GRID2: variants seen among roughly 807,000 people sequenced by gnomAD.
GRID2 encodes the protein glutamate receptor ionotropic, delta-2.
GRID2 carries 33 observed loss-of-function variants against 114.8 expected under a neutral mutation model. The observed-to-expected ratio is 0.29, with a 90% CI of 0.22 to 0.38. GRID2 has a LOEUF of 0.38. Among genes scored for constraint, GRID2 ranks in the 10% least tolerant of loss-of-function variants. GRID2 has a pLI of 1.00. For synonymous variants in GRID2, 505 were observed against 449.9 expected, an observed-to-expected ratio of 1.12 and a Z score of -1.55; for missense variants, 1,184 against 1,257.7, an observed-to-expected ratio of 0.94 and a Z score of 0.89.
intron 1 of GRID2, among the ~76,000 whole-genome samples, chr4:92,549,519 CCAAGTGATG>C (rs1200293457): frequency 6.6e-6 from 1 of 152,082 alleles, no homozygotes; most frequent in African/African-American, 2.4e-5. Flanking sequence ...TCTGTGATTC[CCAAGTGATG>C]CAGAGTCAAA....
intron 1 of GRID2, among the ~76,000 whole-genome samples, chr4:92,379,034 T>A (rs189244392): frequency 6.7e-4 from 102 of 152,090 alleles, no homozygotes; most frequent in Non-Finnish European, 1.3e-3. Flanking sequence ...CCAGGACCCA[T>A]TTATATGACT....
At chr4:93,258,778 A>C in intron 8 of GRID2, 1 of 372,908 alleles carries the variant, frequency 2.7e-6, no homozygotes, top group Admixed American at 3.3e-5. Flanking sequence ...ATAATTAACC[A>C]CTACAACTAA....
intron 2 of GRID2, among the ~76,000 whole-genome samples, chr4:92,737,704 AAC>A (rs1252649395): frequency 6.6e-6 from 1 of 152,172 alleles, no homozygotes; most frequent in African/African-American, 2.4e-5. Context: ...TTATAGAATA[AAC>A]AGATACCTCT....
At chr4:92,339,478 G>A (rs1012931364) in intron 1 of GRID2, among the ~76,000 whole-genome samples, 3 of 151,946 alleles carry the variant, frequency 2.0e-5, no homozygotes, top group Non-Finnish European at 2.9e-5. Context: ...ACCATTTATC[G>A]ACTATATATA....
intron 14 of GRID2, among the ~76,000 whole-genome samples, chr4:93,702,455 G>A (rs1281179832): frequency 4.6e-5 from 7 of 152,124 alleles, no homozygotes; most frequent in East Asian, 1.9e-4. Flanking sequence ...GTATTCCATC[G>A]TAGGAATGCA....
At chr4:92,910,275 A>G (rs1175240776) in intron 2 of GRID2, among the ~76,000 whole-genome samples, 1 of 152,084 alleles carries the variant, frequency 6.6e-6, no homozygotes, top group Non-Finnish European at 1.5e-5. Context: ...TTTTACAATT[A>G]CAGACTGCTG....
At chr4:92,827,470 A>G (rs1341207128) in intron 2 of GRID2, among the ~76,000 whole-genome samples, 2 of 151,670 alleles carry the variant, frequency 1.3e-5, no homozygotes, top group Admixed American at 1.3e-4. Flanking sequence ...ATTTGTTAAA[A>G]CATTTATGTG....
intron 2 of GRID2, among the ~76,000 whole-genome samples, chr4:92,879,129 CAA>C (rs1248452374): frequency 1.3e-5 from 2 of 151,860 alleles, no homozygotes; most frequent in Admixed American, 6.6e-5. Flanking sequence ...TGTATATAGA[CAA>C]AGACTAGAAA....
chr4:92,413,418 G>A (rs1731434368), intron 1 of GRID2, among the ~76,000 whole-genome samples: 1 of 152,126 alleles, frequency 6.6e-6, no homozygotes, highest in African/African-American at 2.4e-5. Flanking sequence ...GGTGGAAGAA[G>A]AATATTAGCA....
At chr4:93,645,612 C>T (rs1722038447) in intron 14 of GRID2, among the ~76,000 whole-genome samples, 1 of 152,144 alleles carries the variant, frequency 6.6e-6, no homozygotes, top group African/African-American at 2.4e-5. Context: ...CTTAGCACAT[C>T]ATGTTGCCTG....
At chr4:93,306,559 G>T (rs2149177849) in intron 8 of GRID2, among the ~76,000 whole-genome samples, 1 of 152,272 alleles carries the variant, frequency 6.6e-6, no homozygotes, top group African/African-American at 2.4e-5. Context: ...GGTGGTAGGG[G>T]TATTGAGATG....
chr4:93,584,386 A>G (rs1369603318), intron 13 of GRID2, among the ~76,000 whole-genome samples: 1 of 152,136 alleles, frequency 6.6e-6, no homozygotes, highest in Admixed American at 6.6e-5. Context: ...GAATCAGTAA[A>G]TACATTAACA....
intron 2 of GRID2, among the ~76,000 whole-genome samples, chr4:92,907,280 T>G (rs1286181167): frequency 2.0e-5 from 3 of 152,170 alleles, no homozygotes; most frequent in South Asian, 2.1e-4. Flanking sequence ...ATTCATTGTC[T>G]CATCTGTCCT....
At chr4:92,386,558 A>G (rs1729969834) in intron 1 of GRID2, among the ~76,000 whole-genome samples, 1 of 151,828 alleles carries the variant, frequency 6.6e-6, no homozygotes, top group African/African-American at 2.4e-5. Flanking sequence ...AAAATCTTTT[A>G]TGGAGAAAAT....
chr4:92,438,744 T>C (rs945101955), intron 1 of GRID2, among the ~76,000 whole-genome samples: 1 of 152,192 alleles, frequency 6.6e-6, no homozygotes, highest in African/African-American at 2.4e-5. Context: ...GAAAGTTGTA[T>C]TTTTGAATTC....
intron 2 of GRID2, among the ~76,000 whole-genome samples, chr4:93,031,242 C>T (rs1446567075): frequency 5.3e-5 from 8 of 151,936 alleles, no homozygotes; most frequent in Admixed American, 1.3e-4. Context: ...GACTGGGTTT[C>T]ACCATATTGG....
At chr4:92,810,067 C>T (rs11730835) in intron 2 of GRID2, among the ~76,000 whole-genome samples, 44 of 152,054 alleles carry the variant, frequency 2.9e-4, no homozygotes, top group Non-Finnish European at 5.3e-4. Flanking sequence ...GCATAATTTT[C>T]ATCAGATTTA....
At chr4:92,891,768 G>T (rs1017010939) in intron 2 of GRID2, among the ~76,000 whole-genome samples, 1 of 152,128 alleles carries the variant, frequency 6.6e-6, no homozygotes, top group African/African-American at 2.4e-5. Context: ...CATAAGTACT[G>T]GGGGTGCAGA....
At chr4:92,646,622 G>T (rs1048707098) in intron 2 of GRID2, among the ~76,000 whole-genome samples, 2 of 152,232 alleles carry the variant, frequency 1.3e-5, no homozygotes, top group Non-Finnish European at 2.9e-5. Context: ...GACTGCTGGG[G>T]CTAACAGTTT....
Sources: gnomAD v4.1 joint callset for allele counts (sites outside exome capture counted in the v4.1 genomes callset) on GRCh38, gnomAD v4.1.1 for gene constraint, MANE v1.5 for transcripts, NCBI Gene and HGNC (gene_info 2026-07-23, HGNC 2026-07-21) for gene names.